NRG3: variants seen among roughly 807,000 people sequenced by gnomAD.
NRG3 encodes neuregulin 3, also known as pro-neuregulin-3, membrane-bound isoform.
Under a neutral mutation model 66.9 loss-of-function variants are expected in NRG3, and 31 were observed. The observed-to-expected ratio is 0.46, with a 90% confidence interval of 0.35 to 0.63. The LOEUF (loss-of-function observed/expected upper bound fraction) is 0.63, where lower values mean the gene tolerates loss of function less well. Ranked by LOEUF, NRG3 falls within the 20% of genes least tolerant of loss-of-function variation. The probability of loss-of-function intolerance (pLI) is 0.00; values close to 1 mark genes in which losing one functional copy is unlikely to be tolerated. For synonymous variants in NRG3, 393 were observed against 359.4 expected, an observed-to-expected ratio of 1.09 and a Z score of -1.06; for missense variants, 910 against 878.9, an observed-to-expected ratio of 1.04 and a Z score of -0.45.
At chr10:81,886,316 A>T (rs1479710614) in intron 1 of NRG3, among the ~76,000 whole-genome samples, 1 of 152,140 alleles carries the variant, frequency 6.6e-6, no homozygotes, top group South Asian at 2.1e-4. Context: ...GTTTATGCTG[A>T]TTGTTTTTGT....
intron 1 of NRG3, among the ~76,000 whole-genome samples, chr10:82,019,623 T>C (rs897640301): frequency 5.3e-5 from 8 of 152,176 alleles, no homozygotes; most frequent in African/African-American, 1.7e-4. Context: ...GGGCCTGTTA[T>C]TGGTTTATTA....
chr10:82,583,642 G>T (rs2046493475), intron 2 of NRG3, among the ~76,000 whole-genome samples: 1 of 152,016 alleles, frequency 6.6e-6, no homozygotes, highest in Non-Finnish European at 1.5e-5. Context: ...ATATTATTTT[G>T]CCTGTGACAT....
chr10:82,932,556 T>C (rs1847674871), intron 4 of NRG3, among the ~76,000 whole-genome samples: 1 of 152,108 alleles, frequency 6.6e-6, no homozygotes, highest in African/African-American at 2.4e-5. Flanking sequence ...ATAAAGAACA[T>C]GTTGGATCTT....
intron 1 of NRG3, among the ~76,000 whole-genome samples, chr10:82,095,430 G>A (rs905825739): frequency 6.6e-6 from 1 of 152,162 alleles, no homozygotes; most frequent in African/African-American, 2.4e-5. Context: ...AGTATCACTA[G>A]CATCAGCTAA....
chr10:82,076,589 G>T (rs1412561207), intron 1 of NRG3, among the ~76,000 whole-genome samples: 1 of 152,172 alleles, frequency 6.6e-6, no homozygotes, highest in Non-Finnish European at 1.5e-5. Flanking sequence ...CCCATGAATG[G>T]CTTGGTGCCA....
rs190484744 is a variant in NRG3, at chr10:82,000,999, A to G, written c.823+124836A>G. Among the ~76,000 whole-genome samples the G allele has an allele frequency of 4.4e-3, 676 of 152,266 alleles. 4 individuals carry two copies. The highest frequency in any genetic ancestry group is 0.015 in the African/African-American group (637 of 41,558). On this transcript the variant is annotated intron_variant, in intron 1 of 8. Transcript: ENST00000372141. ...CATTGTATGGAAATTCCAAACTAAAACTAAACAAACATTGCCGTGTTTTCA... is the reference window on the plus strand; with the variant it reads ...CATTGTATGGAAATTCCAAACTAAAGCTAAACAAACATTGCCGTGTTTTCA...
At chr10:82,302,270 AT>A (rs1435573779) in intron 1 of NRG3, among the ~76,000 whole-genome samples, 1 of 152,092 alleles carries the variant, frequency 6.6e-6, no homozygotes, top group Non-Finnish European at 1.5e-5. Flanking sequence ...TGCAAAAAAA[AT>A]CTATATCATA....
intron 1 of NRG3, among the ~76,000 whole-genome samples, chr10:81,986,134 T>C (rs1404255723): frequency 6.6e-6 from 1 of 152,154 alleles, no homozygotes; most frequent in Non-Finnish European, 1.5e-5. Flanking sequence ...TATTAGTTAA[T>C]TGTGAGATGA....
Position 82,725,936 on chromosome 10 carries a change from T to C in NRG3, c.954-12641T>C, listed in dbSNP as rs562359002. Among the ~76,000 whole-genome samples, 291 of 152,196 alleles carry C rather than the reference T, an allele frequency of 1.9e-3. 2 individuals are homozygous for C. The highest frequency in any genetic ancestry group is 6.8e-3 in the African/African-American group (284 of 41,542). On this transcript the variant is annotated intron_variant, in intron 2 of 8. Transcript: ENST00000372141. ...CACACGGTGAAGCCCTAACTCCCAATGAGACTGTATTTGGAGATAGGATCT... is the reference window on the plus strand; with the variant it reads ...CACACGGTGAAGCCCTAACTCCCAACGAGACTGTATTTGGAGATAGGATCT...
At chr10:82,634,946 C>T (rs2050087433) in intron 2 of NRG3, among the ~76,000 whole-genome samples, 1 of 152,136 alleles carries the variant, frequency 6.6e-6, no homozygotes, top group African/African-American at 2.4e-5. Context: ...TGACCAGGTT[C>T]ATTGGGCCTT....
intron 2 of NRG3, among the ~76,000 whole-genome samples, chr10:82,618,327 G>A (rs2048803122): frequency 6.6e-6 from 1 of 152,070 alleles, no homozygotes; most frequent in African/African-American, 2.4e-5. Flanking sequence ...CAGGGAGACG[G>A]GGGGGAATTT....
At chr10:82,372,386 C>A (rs2084944317) in intron 2 of NRG3, among the ~76,000 whole-genome samples, 1 of 152,116 alleles carries the variant, frequency 6.6e-6, no homozygotes, top group South Asian at 2.1e-4. Flanking sequence ...TTTTTAATTT[C>A]TTTCACTCAA....
At chr10:82,906,898 C>T (rs1844784306) in intron 4 of NRG3, among the ~76,000 whole-genome samples, 1 of 152,068 alleles carries the variant, frequency 6.6e-6, no homozygotes, top group Non-Finnish European at 1.5e-5. Flanking sequence ...CTTTAGAAGG[C>T]ATGATGGTGA....
chr10:82,516,176 A>G (rs1845633513), intron 2 of NRG3, among the ~76,000 whole-genome samples: 1 of 151,806 alleles, frequency 6.6e-6, no homozygotes, highest in African/African-American at 2.4e-5. Context: ...GTGTATGTGC[A>G]TGCACCTGAG....
intron 2 of NRG3, among the ~76,000 whole-genome samples, chr10:82,611,898 G>A (rs904421372): frequency 2.6e-5 from 4 of 152,124 alleles, no homozygotes; most frequent in East Asian, 1.9e-4. Context: ...GTGTGAAAGC[G>A]TTCATATTTC....
intron 1 of NRG3, among the ~76,000 whole-genome samples, chr10:82,030,705 A>G (rs898440609): frequency 2.0e-5 from 3 of 151,734 alleles, no homozygotes; most frequent in Non-Finnish European, 4.4e-5. Context: ...TTTGGAAAAA[A>G]AAAAAAGGGA....
chr10:82,106,789 G>A (rs1247142644), intron 1 of NRG3, among the ~76,000 whole-genome samples: 1 of 152,224 alleles, frequency 6.6e-6, no homozygotes, highest in Non-Finnish European at 1.5e-5. Context: ...TTACAGGTGC[G>A]AGCCACTGCA....
chr10:82,608,871 T>TA (rs753728579), intron 2 of NRG3, among the ~76,000 whole-genome samples: 10 of 152,040 alleles, frequency 6.6e-5, no homozygotes, highest in South Asian at 2.1e-4. Flanking sequence ...TATTTTTCTT[T>TA]AAAAAAAATG....
intron 4 of NRG3, among the ~76,000 whole-genome samples, chr10:82,898,079 G>A (rs935792291): frequency 3.3e-5 from 5 of 152,154 alleles, no homozygotes; most frequent in African/African-American, 9.7e-5. Flanking sequence ...GAGGCCAGAT[G>A]TGCCAGAGAG....
Sources: allele counts gnomAD v4.1 joint callset (sites outside exome capture counted in the v4.1 genomes callset), GRCh38; gene constraint gnomAD v4.1.1; transcripts MANE v1.5; gene names NCBI Gene and HGNC (gene_info 2026-07-23, HGNC 2026-07-21).